SGCZ: variants seen among roughly 807,000 people sequenced by gnomAD.
SGCZ encodes the protein sarcoglycan zeta.
SGCZ carries 40 observed loss-of-function variants against 41.3 expected under a neutral mutation model. The ratio of observed to expected loss-of-function variants is 0.97; its 90% CI spans 0.75 to 1.26. SGCZ has a LOEUF of 1.26. SGCZ is among the 50% of genes most tolerant of loss of function. The pLI is 0.00. For synonymous variants in SGCZ, 206 were observed against 137.5 expected (o/e 1.50, Z -3.49); for missense variants, 552 against 369.8 (o/e 1.49, Z -4.04).
intron 1 of SGCZ, among the ~76,000 whole-genome samples, chr8:15,231,610 C>CT (rs914572473): frequency 0.016 from 1,143 of 72,120 alleles, 117 homozygotes; most frequent in African/African-American, 0.019. Flanking sequence ...TTAATATATT[C>CT]TTTTTTTTTT....
chr8:14,253,304 ATT>A (rs2117212452), intron 3 of SGCZ, among the ~76,000 whole-genome samples: 1 of 150,812 alleles, frequency 6.6e-6, no homozygotes, highest in Non-Finnish European at 1.5e-5. Context: ...TGCAGATTTA[ATT>A]TTTGTTTATG....
rs894319613 is a variant in SGCZ, at chr8:14,087,388, C to T, written c.*3055G>A. On this transcript the variant is annotated 3_prime_UTR_variant, in exon 8 of 8. Transcript: ENST00000382080. ...CTTTGCATCTTTCCTTTTGTGATCCCCCAAACCTGAATTCAGATACATCTC... is the reference window on the plus strand; with the variant it reads ...CTTTGCATCTTTCCTTTTGTGATCCTCCAAACCTGAATTCAGATACATCTC... Among the ~76,000 whole-genome samples, 4 of 151,378 alleles carry T rather than the reference C, an allele frequency of 2.6e-5. No individual in the cohort carries two copies. The highest frequency in any genetic ancestry group is 9.7e-5 in the African/African-American group (4 of 41,284).
chr8:15,157,542 A>C (rs756872084), intron 1 of SGCZ, among the ~76,000 whole-genome samples: 5 of 152,202 alleles, frequency 3.3e-5, no homozygotes, highest in Non-Finnish European at 7.4e-5. Flanking sequence ...GATTCAATTC[A>C]TGCTTTATGC....
intron 1 of SGCZ, among the ~76,000 whole-genome samples, chr8:15,047,540 T>C (rs548737869): frequency 5.8e-4 from 89 of 152,146 alleles, no homozygotes; most frequent in Non-Finnish European, 1.2e-3. Flanking sequence ...AGTCTTCTAC[T>C]ACAACATAAT....
intron 1 of SGCZ, among the ~76,000 whole-genome samples, chr8:15,193,548 T>C (rs1431778092): frequency 2.0e-5 from 3 of 151,924 alleles, no homozygotes; most frequent in Non-Finnish European, 4.4e-5. Flanking sequence ...ACCTGACACA[T>C]AAAGGAGTGA....
chr8:15,235,031 G>A (rs1290803317), intron 1 of SGCZ, among the ~76,000 whole-genome samples: 3 of 152,126 alleles, frequency 2.0e-5, no homozygotes, highest in Non-Finnish European at 4.4e-5. Flanking sequence ...ATTATTAGAT[G>A]ATAAGAAAAG....
intron 2 of SGCZ, among the ~76,000 whole-genome samples, chr8:14,455,254 G>A (rs1800707953): frequency 6.6e-6 from 1 of 151,976 alleles, no homozygotes; most frequent in Admixed American, 6.6e-5. Flanking sequence ...ATTTCAAAAT[G>A]AACTTCAAAC....
At chr8:14,530,296 T>C (rs542101138) in intron 2 of SGCZ, among the ~76,000 whole-genome samples, 1 of 152,070 alleles carries the variant, frequency 6.6e-6, no homozygotes, top group Non-Finnish European at 1.5e-5. Context: ...TAAGTGATCT[T>C]ATATGAAAAT....
At chr8:14,249,437 G>C (rs1235765160) in intron 3 of SGCZ, among the ~76,000 whole-genome samples, 1 of 151,948 alleles carries the variant, frequency 6.6e-6, no homozygotes, top group African/African-American at 2.4e-5. Flanking sequence ...TTATTGGTCT[G>C]TTTCTCTAGA....
At chr8:14,222,421 G>T (rs1438643263) in intron 4 of SGCZ, among the ~76,000 whole-genome samples, 2 of 151,850 alleles carry the variant, frequency 1.3e-5, no homozygotes, top group Non-Finnish European at 2.9e-5. Flanking sequence ...ACCCACCTCC[G>T]CCTCCCAAAG....
At chr8:14,381,772 C>G (rs1277716569) in intron 2 of SGCZ, among the ~76,000 whole-genome samples, 1 of 151,024 alleles carries the variant, frequency 6.6e-6, no homozygotes, top group African/African-American at 2.4e-5. Flanking sequence ...GGGAAAAAAG[C>G]AAGACCCTGT....
chr8:15,072,432 A>C (rs2131030131), intron 1 of SGCZ, among the ~76,000 whole-genome samples: 1 of 152,310 alleles, frequency 6.6e-6, no homozygotes. Context: ...TCCTCCCATT[A>C]ATTTCATCCT....
chr8:14,227,966 A>C (rs1171013216), intron 4 of SGCZ, among the ~76,000 whole-genome samples: 15 of 151,984 alleles, frequency 9.9e-5, no homozygotes, highest in Admixed American at 9.9e-4. Flanking sequence ...ATGACCAGGC[A>C]ATTAGTATTG....
chr8:14,375,035 G>C (rs756001654), intron 2 of SGCZ, among the ~76,000 whole-genome samples: 2 of 152,090 alleles, frequency 1.3e-5, no homozygotes, highest in African/African-American at 2.4e-5. Flanking sequence ...CACTGAGTTT[G>C]GTTTAAAGAG....
chr8:14,604,293 C>A (rs922275077), intron 1 of SGCZ, among the ~76,000 whole-genome samples: 4 of 152,042 alleles, frequency 2.6e-5, no homozygotes, highest in Admixed American at 6.5e-5. Context: ...CAGTAACTGC[C>A]TGGAGAGTTC....
chr8:14,215,989 T>C (rs1235633603), intron 4 of SGCZ, among the ~76,000 whole-genome samples: 1 of 152,186 alleles, frequency 6.6e-6, no homozygotes, highest in Non-Finnish European at 1.5e-5. Context: ...AGGAGGGTGC[T>C]GTAAAAAGGC....
At chr8:14,514,093 G>C (rs1044291787) in intron 2 of SGCZ, among the ~76,000 whole-genome samples, 1 of 152,048 alleles carries the variant, frequency 6.6e-6, no homozygotes, top group East Asian at 1.9e-4. Context: ...TTAGTCCTTT[G>C]AGAAGATTTT....
chr8:14,896,440 T>C (rs1395269170), intron 1 of SGCZ, among the ~76,000 whole-genome samples: 1 of 151,488 alleles, frequency 6.6e-6, no homozygotes, highest in African/African-American at 2.4e-5. Flanking sequence ...GGAAGACTTT[T>C]ATTTATTTAT....
At chr8:15,172,817 A>T (rs528146120) in intron 1 of SGCZ, among the ~76,000 whole-genome samples, 1 of 152,198 alleles carries the variant, frequency 6.6e-6, no homozygotes, top group Non-Finnish European at 1.5e-5. Flanking sequence ...GCAATACCAC[A>T]AACAAGATTT....
Sources: allele counts gnomAD v4.1 joint callset (sites outside exome capture counted in the v4.1 genomes callset), GRCh38; gene constraint gnomAD v4.1.1; transcripts MANE v1.5; gene names NCBI Gene and HGNC (gene_info 2026-07-23, HGNC 2026-07-21).